Variants in CDH8 observed in about 807,000 individuals in gnomAD.
The protein encoded by CDH8 is cadherin 8.
In CDH8, 17 loss-of-function variants were observed where a neutral mutation model predicts 68.1. The observed-to-expected ratio is 0.25, with a 90% CI of 0.17 to 0.37. CDH8 has a LOEUF of 0.37. Among genes scored for constraint, CDH8 ranks in the 10% least tolerant of loss-of-function variants. The probability of loss-of-function intolerance (pLI) is 1.00; values close to 1 mark genes in which losing one functional copy is unlikely to be tolerated. For synonymous variants in CDH8, 372 were observed against 365.1 expected (o/e 1.02, Z -0.21); for missense variants, 763 against 999.3 (o/e 0.76, Z 3.19).
intron 10 of CDH8, among the ~76,000 whole-genome samples, chr16:61,698,740 C>G (rs1299120663): frequency 6.6e-6 from 1 of 152,186 alleles, no homozygotes; most frequent in African/African-American, 2.4e-5. Flanking sequence ...TTGGCCTTCA[C>G]TTCTTGAGTT....
At position 61,986,263 on chromosome 16, in the gene CDH8, T is replaced by G. The variant is rs562122577; in HGVS notation, c.252+34889A>C. ...CTTAATATGACTATCCTCATTCTAA[T>G]AAATGAAGATCTAAATGATAATGGA... On this transcript the variant is annotated intron_variant, in intron 2 of 11. Transcript: ENST00000577390. Among the ~76,000 whole-genome samples the G allele has an allele frequency of 7.1e-4, 108 of 152,256 alleles. 2 individuals carry two copies. Among genetic ancestry groups the G allele is most frequent in the African/African-American group, 2.6e-3 (107 of 41,550 alleles).
chr16:61,737,186 C>A (rs1391960354), intron 8 of CDH8, among the ~76,000 whole-genome samples: 7 of 152,122 alleles, frequency 4.6e-5, no homozygotes, highest in Admixed American at 2.0e-4. Flanking sequence ...AACTGGTTTC[C>A]ATGAGCTGCT....
intron 8 of CDH8, among the ~76,000 whole-genome samples, chr16:61,788,752 G>A (rs577137165): frequency 9.9e-5 from 15 of 151,846 alleles, no homozygotes; most frequent in Non-Finnish European, 1.8e-4. Context: ...TAATAAAATA[G>A]CTCAAATGTT....
intron 9 of CDH8, 176 bp from the exon 10 acceptor site, chr16:61,714,134 T>C (rs907643323): frequency 1.7e-6 from 1 of 594,254 alleles, no homozygotes; most frequent in African/African-American, 1.9e-5. Context: ...TCCATTACTT[T>C]AAAACCTCAG....
At chr16:61,676,222 A>G (rs1252684721) in intron 10 of CDH8, among the ~76,000 whole-genome samples, 1 of 144,622 alleles carries the variant, frequency 6.9e-6, no homozygotes, top group African/African-American at 2.6e-5. Context: ...ATTGCAAAAA[A>G]GAAAAAAATA....
At chr16:61,795,637 C>T (rs1961479725) in intron 7 of CDH8, among the ~76,000 whole-genome samples, 1 of 152,002 alleles carries the variant, frequency 6.6e-6, no homozygotes, top group South Asian at 2.1e-4. Context: ...CCCAAATTGA[C>T]TGTGGAGATG....
chr16:61,664,978 A>T (rs1963637447), intron 10 of CDH8, among the ~76,000 whole-genome samples: 1 of 152,046 alleles, frequency 6.6e-6, no homozygotes, highest in Non-Finnish European at 1.5e-5. Context: ...TTCTTGTAGC[A>T]AACAAGGAAG....
intron 8 of CDH8, among the ~76,000 whole-genome samples, chr16:61,782,631 G>A (rs1041327294): frequency 3.8e-4 from 58 of 151,716 alleles, no homozygotes; most frequent in African/African-American, 1.3e-3. Flanking sequence ...CCACCTCTGG[G>A]GGCAGGGCAC....
At chr16:61,908,543 G>C (rs1964102218) in intron 2 of CDH8, among the ~76,000 whole-genome samples, 1 of 152,148 alleles carries the variant, frequency 6.6e-6, no homozygotes, top group African/African-American at 2.4e-5. Context: ...TCATACTACA[G>C]AATATCTCAC....
intron 3 of CDH8, among the ~76,000 whole-genome samples, chr16:61,889,582 A>T (rs75490539): frequency 5.3e-5 from 8 of 152,088 alleles, no homozygotes; most frequent in African/African-American, 1.9e-4. Context: ...CTGCCCTGAC[A>T]TGCAGTTAAT....
intron 2 of CDH8, among the ~76,000 whole-genome samples, chr16:61,952,991 G>A (rs1964921538): frequency 6.6e-6 from 1 of 152,092 alleles, no homozygotes; most frequent in African/African-American, 2.4e-5. Flanking sequence ...CCCATGTGAG[G>A]ATGGTAGGAG....
chr16:61,782,495 A>G (rs377758167), intron 8 of CDH8, among the ~76,000 whole-genome samples: 4,223 of 150,670 alleles, frequency 0.028, 62 homozygotes, highest in African/African-American at 0.033. Context: ...ACTGCAAGGC[A>G]GCAGCGAGGC....
chr16:61,874,993 C>T (rs1158036690), intron 3 of CDH8, among the ~76,000 whole-genome samples: 1 of 152,120 alleles, frequency 6.6e-6, no homozygotes, highest in South Asian at 2.1e-4. Flanking sequence ...CTTACCATGA[C>T]AGAGCTTCTA....
intron 4 of CDH8, among the ~76,000 whole-genome samples, chr16:61,843,111 AC>A (rs1428339365): frequency 6.6e-6 from 1 of 152,092 alleles, no homozygotes; most frequent in Non-Finnish European, 1.5e-5. Flanking sequence ...CTGGTCCTAT[AC>A]TTTATACTTC....
At chr16:61,678,293 G>T (rs1398978020) in intron 10 of CDH8, among the ~76,000 whole-genome samples, 1 of 151,936 alleles carries the variant, frequency 6.6e-6, no homozygotes, top group Non-Finnish European at 1.5e-5. Flanking sequence ...TCTCCTGAGG[G>T]CTGTGTCACG....
intron 2 of CDH8, among the ~76,000 whole-genome samples, chr16:62,010,038 A>G (rs891861472): frequency 6.6e-6 from 1 of 152,186 alleles, no homozygotes; most frequent in Non-Finnish European, 1.5e-5. Context: ...GCCCGGGCCC[A>G]GGCTATACCA....
intron 8 of CDH8, chr16:61,743,253 TCTGA>T (rs1959924274): frequency 6.6e-6 from 1 of 152,184 alleles, no homozygotes; most frequent in Admixed American, 6.5e-5. Context: ...TGAGACCGTG[TCTGA>T]AGAATCTATC....
At chr16:61,774,912 G>T (rs1960867264) in intron 8 of CDH8, among the ~76,000 whole-genome samples, 1 of 152,134 alleles carries the variant, frequency 6.6e-6, no homozygotes, top group African/African-American at 2.4e-5. Context: ...GGTATCAGGA[G>T]ATAATAAATA....
At position 61,906,122 on chromosome 16, in the gene CDH8, A is replaced by T. The variant is rs368673858; in HGVS notation, c.253-4649T>A. On this transcript the variant is annotated intron_variant, in intron 2 of 11. Coordinates refer to ENST00000577390, the MANE Select transcript of CDH8 (RefSeq NM_001796.5). ...ACACAGAGTTGTGAAACCAAGATAC[A>T]GGGTATGGATTTAACTATAAATGTG... Among the ~76,000 whole-genome samples, 26 of 152,322 alleles carry T rather than the reference A, an allele frequency of 1.7e-4. No homozygotes were observed. The South Asian group carries it at 5.2e-3, about 30-fold the overall frequency.
Sources: gnomAD v4.1 joint callset for allele counts (sites outside exome capture counted in the v4.1 genomes callset) on GRCh38, gnomAD v4.1.1 for gene constraint, MANE v1.5 for transcripts, NCBI Gene and HGNC (gene_info 2026-07-23, HGNC 2026-07-21) for gene names.